PPFIBP2: variants seen among roughly 807,000 people sequenced by gnomAD.
PPFIBP2 encodes liprin-beta-2.
A neutral mutation model predicts 118.3 loss-of-function variants in PPFIBP2; 118 were observed. That is an observed-to-expected ratio of 1.00 (90% CI 0.86 to 1.16). The LOEUF (loss-of-function observed/expected upper bound fraction) is 1.16. Ranked by LOEUF, PPFIBP2 falls within the 50% of genes most tolerant of loss-of-function variation. The pLI is 0.00. For missense variants in PPFIBP2, 1,195 were observed against 1,073.1 expected (o/e 1.11, Z -1.59); for synonymous variants, 414 against 397.4 (o/e 1.04, Z -0.50).
intron 14 of PPFIBP2, among the ~76,000 whole-genome samples, chr11:7,638,953 T>C (rs182209449): frequency 9.6e-4 from 146 of 152,360 alleles, no homozygotes; most frequent in African/African-American, 3.4e-3. Context: ...TGTTGGCATG[T>C]AGTCCTCTGG....
chr11:7,631,894 C>G (rs1231749332), intron 11 of PPFIBP2, among the ~76,000 whole-genome samples: 1 of 152,218 alleles, frequency 6.6e-6, no homozygotes, highest in Non-Finnish European at 1.5e-5. Flanking sequence ...GAACCCAGGT[C>G]TGACCACAAT....
At chr11:7,664,618 G>A in the PPFIBP2 span, among the ~76,000 whole-genome samples, 84 of 152,246 alleles carry the variant, frequency 5.5e-4, no homozygotes, top group East Asian at 8.5e-3. Flanking sequence ...GAATGGGGTC[G>A]GAGTTGGGGG....
chr11:7,653,812 G>A (rs1854424135), downstream of PPFIBP2: 3 of 1,192,160 alleles, frequency 2.5e-6, no homozygotes, highest in Non-Finnish European at 1.1e-6. Flanking sequence ...GAGGGTAGCT[G>A]GAAATGGAGT....
intron 6 of PPFIBP2, among the ~76,000 whole-genome samples, chr11:7,615,505 G>A (rs919188592): frequency 6.6e-6 from 1 of 152,202 alleles, no homozygotes; most frequent in Non-Finnish European, 1.5e-5. Flanking sequence ...ATGTGTTCCT[G>A]ATGCAGGTCT....
intron 3 of PPFIBP2, among the ~76,000 whole-genome samples, chr11:7,579,609 G>A (rs770631339): frequency 7.2e-5 from 11 of 152,180 alleles, no homozygotes; most frequent in Non-Finnish European, 1.5e-4. Context: ...AGCCCCTGGG[G>A]CAGATACTGT....
the PPFIBP2 span, chr11:7,666,428 A>C: frequency 1.3e-6 from 2 of 1,487,906 alleles, no homozygotes; most frequent in Non-Finnish European, 1.9e-6. Context: ...ACCCATGGTG[A>C]GTGAGGGCAA....
chr11:7,598,334 C>A, intron 5 of PPFIBP2: 2 of 234,264 alleles, frequency 8.5e-6, no homozygotes, highest in Non-Finnish European at 8.6e-6. Context: ...TTTACTATCA[C>A]CTATAATAGA....
At chr11:7,629,592 A>C in intron 10 of PPFIBP2, 58 bp downstream of exon 10, 3 of 1,539,816 alleles carry the variant, frequency 1.9e-6, no homozygotes, top group Non-Finnish European at 2.7e-6. Flanking sequence ...AGCTGTGTTA[A>C]AGCCAGGGGC....
At chr11:7,577,308 TGCATGTATGTGC>T (rs1173753474) in intron 3 of PPFIBP2, 3 of 274,808 alleles carry the variant, frequency 1.1e-5, no homozygotes, top group Non-Finnish European at 2.2e-5. Context: ...TGCGTGTGCG[TGCATGTATGTGC>T]GTGTGTGTGT....
rs751448520 is a variant in PPFIBP2 at position 7,639,819 on chromosome 11, C to T, written c.1324C>T (p.Pro442Ser). 1 of 1,489,120 alleles carries T rather than the reference C, an allele frequency of 6.7e-7. No individual in the cohort carries two copies. Among genetic ancestry groups the T allele is most frequent in the Admixed American group, 1.9e-5 (1 of 51,372 alleles). 92.2% of individuals were successfully genotyped at this position (1,489,120 alleles called of 1,614,324 possible). ...ATPNGEAAKS[P>S]PTICQPDATG... ...GCCCAATGGAGAGGCTGCCAAATCT[C>T]CTCCCACCATCTGCCAGCCTGACGC... Residue 442 changes from proline to serine, a missense_variant, in exon 15 of 24, where the codon CCT becomes TCT. By Grantham distance (74) the Pro-to-Ser change is moderately conservative (BLOSUM62 -1). Transcript: ENST00000299492.
chr11:7,649,715 C>G, intron 21 of PPFIBP2, 61 bp downstream of exon 21: 2 of 1,593,398 alleles, frequency 1.3e-6, no homozygotes, highest in Non-Finnish European at 1.7e-6. Flanking sequence ...AAACATCGAG[C>G]ATGAGCAAAC....
intron 3 of PPFIBP2, among the ~76,000 whole-genome samples, chr11:7,570,701 AGT>A (rs1399337283): frequency 6.6e-6 from 1 of 152,182 alleles, no homozygotes; most frequent in African/African-American, 2.4e-5. Context: ...AGTCCTGGTC[AGT>A]GTGCTTGAGC....
Position 7,549,488 on chromosome 11 carries a change from G to GCTAGT in PPFIBP2, c.15_19dup (p.His7LeufsTer41). 1.3e-6 allele frequency: 2 copies of GCTAGT among 1,561,944 alleles called. No homozygotes were observed. Among genetic ancestry groups the GCTAGT allele is most frequent in the Non-Finnish European group, 1.7e-6 (2 of 1,152,794 alleles). On this transcript the variant is annotated frameshift_variant, in exon 2 of 24. Coordinates refer to ENST00000299492, the MANE Select transcript of PPFIBP2 (RefSeq NM_003621.5). LOFTEE classifies it high-confidence loss of function. ...GGCAAAAGGAGTCATGGCTTCTGAT[G>GCTAGT]CTAGTCATGCGCTGGAAGCTGCCCT...
intron 1 of PPFIBP2, among the ~76,000 whole-genome samples, chr11:7,547,585 C>T (rs1323899472): frequency 6.6e-6 from 1 of 152,194 alleles, no homozygotes; most frequent in Non-Finnish European, 1.5e-5. Context: ...CTGGCCAAAG[C>T]TGGCCTCCAT....
intron 10 of PPFIBP2, 97 bp from the exon 11 acceptor site, chr11:7,630,828 C>G (rs1850655645): frequency 1.1e-6 from 1 of 891,528 alleles, no homozygotes; most frequent in Admixed American, 1.8e-5. Context: ...CTTAGTCCTT[C>G]TTAATGAAGG....
intron 1 of PPFIBP2, among the ~76,000 whole-genome samples, chr11:7,547,717 A>G (rs1006656512): frequency 1.3e-5 from 2 of 151,850 alleles, no homozygotes; most frequent in African/African-American, 2.4e-5. Context: ...CTGAGGTGCC[A>G]CTGAAGTTCC....
intron 5 of PPFIBP2, among the ~76,000 whole-genome samples, chr11:7,608,748 A>G (rs1172403639): frequency 6.6e-6 from 1 of 152,250 alleles, no homozygotes; most frequent in Non-Finnish European, 1.5e-5. Flanking sequence ...TCATCTGTCA[A>G]ATTGGGATAA....
rs1336023590 is a variant in PPFIBP2 at position 7,549,485 on chromosome 11, G to A, written c.10G>A (p.Asp4Asn). 6.4e-7 allele frequency: 1 copy of A among 1,561,770 alleles called. No individual in the cohort carries two copies. Residue 4 changes from aspartate to asparagine, a missense_variant, in exon 2 of 24, where the codon GAT becomes AAT. Physicochemically the swap from Asp to Asn is conservative, Grantham distance 23. Transcript: ENST00000299492. ...GCAGGCAAAAGGAGTCATGGCTTCT[G>A]ATGCTAGTCATGCGCTGGAAGCTGC... MAS[D>N]ASHALEAALE...
At chr11:7,609,710 C>T (rs1847833205) in intron 5 of PPFIBP2, among the ~76,000 whole-genome samples, 1 of 152,106 alleles carries the variant, frequency 6.6e-6, no homozygotes, top group Admixed American at 6.5e-5. Context: ...CCAGAGTGGC[C>T]AGATTGTAAT....
Sources: allele counts gnomAD v4.1 joint callset (sites outside exome capture counted in the v4.1 genomes callset), GRCh38; gene constraint gnomAD v4.1.1; transcripts MANE v1.5; gene names NCBI Gene and HGNC (gene_info 2026-07-23, HGNC 2026-07-21).